Variants in LRRC4B observed in about 807,000 individuals in gnomAD.
The protein encoded by LRRC4B is leucine rich repeat containing 4B.
LRRC4B carries 1 observed loss-of-function variant against 7.3 expected under a neutral mutation model. The ratio of observed to expected loss-of-function variants is 0.14; its 90% confidence interval spans 0.05 to 0.65. LRRC4B has a LOEUF of 0.65. Among genes scored for constraint, LRRC4B ranks in the 30% least tolerant of loss-of-function variants. The pLI, the probability that LRRC4B is intolerant of heterozygous loss-of-function variation, is 0.84. For missense variants in LRRC4B, 730 were observed against 1,041.6 expected, an observed-to-expected ratio of 0.70 and a Z score of 4.12; for synonymous variants, 500 against 499.2, an observed-to-expected ratio of 1.00 and a Z score of -0.02.
At chr19:50,532,475 G>C (rs1167082347) in intron 2 of LRRC4B, among the ~76,000 whole-genome samples, 2 of 152,324 alleles carry the variant, frequency 1.3e-5, no homozygotes, top group South Asian at 4.1e-4. Context: ...GTAGGGAGAA[G>C]AGAGATGCAT....
chr19:50,534,640 T>G (rs1981185991), intron 2 of LRRC4B, among the ~76,000 whole-genome samples: 1 of 152,164 alleles, frequency 6.6e-6, no homozygotes, highest in Non-Finnish European at 1.5e-5. Flanking sequence ...CATCAATGAC[T>G]GCCTTCTAAC....
intron 2 of LRRC4B, among the ~76,000 whole-genome samples, chr19:50,530,963 G>A (rs1981033848): frequency 2.0e-5 from 3 of 151,154 alleles, no homozygotes. Flanking sequence ...GGTCAGGCTG[G>A]TCTCGAACTC....
chr19:50,549,294 G>A (rs906812898), intron 1 of LRRC4B, among the ~76,000 whole-genome samples: 4 of 152,178 alleles, frequency 2.6e-5, no homozygotes, highest in Admixed American at 6.5e-5. Context: ...GGGCAGAAAC[G>A]GGGAAGAGCA....
chr19:50,559,359 A>G (rs888921432), intron 1 of LRRC4B, among the ~76,000 whole-genome samples: 2 of 152,152 alleles, frequency 1.3e-5, no homozygotes, highest in African/African-American at 4.8e-5. Flanking sequence ...ACTTGAACCG[A>G]GGAGGCAGAG....
At chr19:50,561,273 G>T (rs554883039) in intron 1 of LRRC4B, among the ~76,000 whole-genome samples, 38 of 152,064 alleles carry the variant, frequency 2.5e-4, no homozygotes, top group African/African-American at 8.9e-4. Flanking sequence ...TCACATTTGG[G>T]GTCTTTGCCC....
chr19:50,547,239 C>A (rs531173726), intron 2 of LRRC4B, among the ~76,000 whole-genome samples: 1 of 152,092 alleles, frequency 6.6e-6, no homozygotes, highest in Non-Finnish European at 1.5e-5. Context: ...CCTGCGGGAG[C>A]GGGGGGTGGT....
At chr19:50,557,588 C>T (rs1374152555) in intron 1 of LRRC4B, 3 of 152,200 alleles carry the variant, frequency 2.0e-5, no homozygotes, top group Admixed American at 6.5e-5. Context: ...TGGGCTCCGA[C>T]CCCCCGGTGC....
chr19:50,530,588 G>A (rs994853774), intron 2 of LRRC4B, among the ~76,000 whole-genome samples: 14 of 152,166 alleles, frequency 9.2e-5, no homozygotes, highest in African/African-American at 2.2e-4. Context: ...GAGAGGGGCC[G>A]TTGTCTGTGA....
Position 50,550,094 on chromosome 19 carries a change from A to T in LRRC4B, c.-35-1221T>A, listed in dbSNP as rs187137194. ...GAGCCCTTGCAATGCAGCAAACTGTATCCCGGTCATCTCATGTGAGCCTCA... is the reference window on the plus strand; with the variant it reads ...GAGCCCTTGCAATGCAGCAAACTGTTTCCCGGTCATCTCATGTGAGCCTCA... On this transcript the variant is annotated intron_variant, in intron 1 of 2. Transcript: ENST00000652263. Among the ~76,000 whole-genome samples the T allele has an allele frequency of 2.0e-5, 3 of 152,308 alleles. No homozygotes were observed. The East Asian group carries it at 5.8e-4, about 29-fold the overall frequency.
At chr19:50,562,870 A>C (rs1439220879) in intron 1 of LRRC4B, among the ~76,000 whole-genome samples, 1 of 151,464 alleles carries the variant, frequency 6.6e-6, no homozygotes, top group Non-Finnish European at 1.5e-5. Context: ...CCCCCTGAGT[A>C]GCTGGGATTA....
At chr19:50,546,651 G>C (rs1237118628) in intron 2 of LRRC4B, among the ~76,000 whole-genome samples, 1 of 152,142 alleles carries the variant, frequency 6.6e-6, no homozygotes, top group Non-Finnish European at 1.5e-5. Context: ...CGGAGGGAGC[G>C]GGCCTGTGCA....
At chr19:50,552,670 AT>A (rs1982130881) in intron 1 of LRRC4B, among the ~76,000 whole-genome samples, 1 of 134,198 alleles carries the variant, frequency 7.5e-6, no homozygotes, top group East Asian at 2.5e-4. Context: ...CCATCCATCC[AT>A]CCATCCATCC....
At chr19:50,521,830 G>C (rs1980592743) in intron 2 of LRRC4B, among the ~76,000 whole-genome samples, 1 of 151,834 alleles carries the variant, frequency 6.6e-6, no homozygotes, top group Non-Finnish European at 1.5e-5. Flanking sequence ...AAAGTGCTGG[G>C]AAATTACAGG....
intron 1 of LRRC4B, among the ~76,000 whole-genome samples, chr19:50,549,316 G>A (rs1010996515): frequency 3.3e-5 from 5 of 152,192 alleles, no homozygotes; most frequent in Admixed American, 6.5e-5. Flanking sequence ...GCGAGGTGGC[G>A]AGGACCTCGC....
rs375290239 is a variant in LRRC4B at position 50,538,179 on chromosome 19, C to G, written c.297+10363G>C. On this transcript the variant is annotated intron_variant, in intron 2 of 2. Coordinates refer to ENST00000652263, the MANE Select transcript of LRRC4B (RefSeq NM_001080457.2). The stretch of plus-strand genomic sequence containing the variant: ...CCGGGTTCAAGTGATTCTCCTGCCT[C>G]AGCCTCCTGAGTAGCTAGTACTACA... 2.0e-4 allele frequency among the ~76,000 whole-genome samples: 30 copies of G among 152,358 alleles called. No individual in the cohort carries two copies. The East Asian group carries it at 2.9e-3, about 15-fold the overall frequency.
Position 50,519,553 on chromosome 19 carries a change from C to T in LRRC4B, c.298-138G>A. ...TGTGACGGTACGACCTATATTGCAA[C>T]ATGGTTTGATGAGTTTCTTATAAAG... On this transcript the variant is annotated intron_variant, in intron 2 of 2. Transcript: ENST00000652263. The surrounding 1 kb of genome is among the most constrained non-coding windows in gnomAD (Gnocchi z 8.1). 1.4e-6 allele frequency: 2 copies of T among 1,422,208 alleles called. No homozygotes were observed. Among genetic ancestry groups the T allele is most frequent in the Non-Finnish European group, 1.8e-6 (2 of 1,088,670 alleles). 88.1% of individuals were successfully genotyped at this position (1,422,208 alleles called of 1,614,324 possible). A position where few individuals can be genotyped will look rare whatever the true frequency, so the allele number is the denominator to read the frequency against.
chr19:50,548,993 A>G lies in LRRC4B; in HGVS notation c.-35-120T>C. The G allele has an allele frequency of 1.7e-6, 1 of 594,502 alleles. No homozygotes were observed. Among genetic ancestry groups the G allele is most frequent in the Non-Finnish European group, 2.9e-6 (1 of 343,726 alleles). The allele number at this position is 594,502 out of a possible 1,614,324, so 36.8% of individuals were successfully genotyped here. A position where few individuals can be genotyped will look rare whatever the true frequency, so the allele number is the denominator to read the frequency against. On this transcript the variant is annotated intron_variant, in intron 1 of 2. Transcript: ENST00000652263. This position sits in a 1 kb window ranked among gnomAD's most constrained non-coding sequence, Gnocchi z 6.8. ...CCTCCCTGCCCCATGCCCAGAACAA[A>G]GGGACAGGGAGGGAGACAGCTGCCG...
intron 1 of LRRC4B, 123 bp downstream of exon 1, chr19:50,567,821 C>CCCG (rs1555810461): frequency 1.2e-5 from 1 of 81,320 alleles, no homozygotes; most frequent in African/African-American, 5.7e-5. Context: ...CCTCTGCCAT[C>CCCG]CCCCCCCATC....
Position 50,521,716 on chromosome 19 carries a change from G to A in LRRC4B, c.298-2301C>T, listed in dbSNP as rs143132781. On this transcript the variant is annotated intron_variant, in intron 2 of 2. Coordinates refer to ENST00000652263, the MANE Select transcript of LRRC4B (RefSeq NM_001080457.2). ...GCTGGGATTACAGGCGTGAGCCACC[G>A]TGCCCAGCCAATTTTGTATTTTTAG... Among the ~76,000 whole-genome samples the A allele has an allele frequency of 9.8e-3, 1,410 of 143,440 alleles. 16 individuals are homozygous for A. The highest frequency in any genetic ancestry group is 0.033 in the African/African-American group (1,279 of 39,318). 94.1% of individuals were successfully genotyped at this position (143,440 alleles called of 152,430 possible). A position where few individuals can be genotyped will look rare whatever the true frequency, so the allele number is the denominator to read the frequency against.
Sources: gnomAD v4.1 joint callset for allele counts (sites outside exome capture counted in the v4.1 genomes callset) on GRCh38, gnomAD v4.1.1 for gene constraint, Gnocchi (gnomAD v3.1) non-coding constraint, MANE v1.5 for transcripts, NCBI Gene and HGNC (gene_info 2026-07-23, HGNC 2026-07-21) for gene names.